Variants in ENPP1 observed in about 807,000 individuals in gnomAD.
ENPP1 encodes ectonucleotide pyrophosphatase/phosphodiesterase family member 1.
ENPP1 carries 73 observed loss-of-function variants against 122.8 expected under a neutral mutation model. The observed-to-expected ratio is 0.59, with a 90% CI of 0.49 to 0.72. ENPP1 has a LOEUF of 0.72. ENPP1 is among the 30% of genes least tolerant of loss of function. The pLI is 0.00. For synonymous variants in ENPP1, 367 were observed against 391.6 expected (o/e 0.94, Z 0.74); for missense variants, 978 against 1,128.1 (o/e 0.87, Z 1.91).
chr6:131,881,422 T>G (rs1782304047), intron 20 of ENPP1, among the ~76,000 whole-genome samples: 1 of 152,200 alleles, frequency 6.6e-6, no homozygotes, highest in African/African-American at 2.4e-5. Flanking sequence ...TGATTCCATT[T>G]TCAGTTTTCT....
intron 1 of ENPP1, among the ~76,000 whole-genome samples, chr6:131,814,962 AT>A (rs1781396769): frequency 6.6e-6 from 1 of 152,144 alleles, no homozygotes; most frequent in South Asian, 2.1e-4. Flanking sequence ...CCACACTTTG[AT>A]TTGGAAAAGG....
rs1490604565 is a variant in ENPP1 at position 131,890,380 on chromosome 6, A to T, written c.2647A>T (p.Met883Leu). The T allele has an allele frequency of 5.0e-6, 8 of 1,613,852 alleles. No individual in the cohort carries two copies. The highest frequency in any genetic ancestry group is 6.8e-6 in the Non-Finnish European group (8 of 1,179,840). Residue 883 changes from methionine (M) to leucine (L), a missense_variant, in exon 25 of 25, where the codon ATG becomes TTG. Transcript: ENST00000647893. ...CTCCTCATGGGTTGAAGAATTGTTA[A>T]TGTTACACAGAGCACGGATCACAGA... Reference protein sequence around the residue: ...HDSSWVEELLMLHRARITDVE... With the variant: ...HDSSWVEELLLLHRARITDVE...
chr6:131,812,547 C>A (rs1781367062), intron 1 of ENPP1, among the ~76,000 whole-genome samples: 1 of 152,156 alleles, frequency 6.6e-6, no homozygotes, highest in Non-Finnish European at 1.5e-5. Context: ...ACTTATAAGG[C>A]CTTGACAATA....
At chr6:131,837,019 C>T (rs892534200) in intron 1 of ENPP1, among the ~76,000 whole-genome samples, 2 of 151,992 alleles carry the variant, frequency 1.3e-5, no homozygotes, top group African/African-American at 4.8e-5. Flanking sequence ...TGTGCAGAGG[C>T]AAAGGAAACC....
chr6:131,893,379 A>C lies in ENPP1; in HGVS notation c.*2868A>C, dbSNP rs1318128421. ...CACAGGAGGGGTGCCAGGCTGCACA[A>C]AAGAGACACTGGATGCTTCTTGGTA... On this transcript the variant is annotated 3_prime_UTR_variant, in exon 25 of 25. Transcript: ENST00000647893. The C allele has an allele frequency of 6.6e-6, 1 of 152,282 alleles. No individual in the cohort carries two copies. Among genetic ancestry groups the C allele is most frequent in the Non-Finnish European group, 1.5e-5 (1 of 68,072 alleles). The allele number at this position is 152,282 out of a possible 1,614,324, so 9.4% of individuals were successfully genotyped here. A position where few individuals can be genotyped will look rare whatever the true frequency, so the allele number is the denominator to read the frequency against.
In ENPP1 at chr6:131,860,414, A is replaced by G. The variant is rs776716141; in HGVS notation, c.823A>G (p.Ile275Val). 8 of 1,598,074 alleles carry G rather than the reference A, an allele frequency of 5.0e-6. No individual in the cohort carries two copies. In the African/African-American group the frequency reaches 1.1e-4, roughly 21 times the overall value. Residue 275 changes from isoleucine to valine, a missense_variant, in exon 8 of 25, where the codon ATC (isoleucine) becomes GTC (valine). Coordinates refer to ENST00000647893, the MANE Select transcript of ENPP1 (RefSeq NM_006208.3). ...ATTGTATCCAGAATCTCATGGCATA[A>G]TCGACAATAAAATGTATGATCCCAA... ...TGLYPESHGI[I>V]DNKMYDPKMN...
At chr6:131,876,618 CTT>C (rs942057687) in intron 17 of ENPP1, among the ~76,000 whole-genome samples, 1 of 152,106 alleles carries the variant, frequency 6.6e-6, no homozygotes, top group African/African-American at 2.4e-5. Context: ...AACTTTGAGA[CTT>C]GGGTAAAACA....
chr6:131,885,110 T>G lies in ENPP1; in HGVS notation c.2444+47T>G, dbSNP rs756039766. 4.4e-6 allele frequency: 7 copies of G among 1,589,424 alleles called. No individual in the cohort carries two copies. In the South Asian group the frequency reaches 4.4e-5, roughly 10 times the overall value. On this transcript the variant is annotated intron_variant, in intron 23 of 24. Transcript: ENST00000647893. ...CTTAAAAATAGGAATTACCATCCAGTAGAAATGGGATTACCATCCAGTTGA... is the reference window on the plus strand; with the variant it reads ...CTTAAAAATAGGAATTACCATCCAGGAGAAATGGGATTACCATCCAGTTGA...
intron 20 of ENPP1, among the ~76,000 whole-genome samples, chr6:131,880,766 CA>C (rs67327200): frequency 0.059 from 8,962 of 152,066 alleles, 368 homozygotes; most frequent in Admixed American, 0.094. Flanking sequence ...CACTGTTTGG[CA>C]AAGCCATTAA....
Position 131,858,682 on chromosome 6 carries a change from T to G in ENPP1, c.730T>G (p.Tyr244Asp). 1 of 1,606,656 alleles carries G rather than the reference T, an allele frequency of 6.2e-7. No individual in the cohort carries two copies. The highest frequency in any genetic ancestry group is 1.7e-5 in the Admixed American group (1 of 59,992). Residue 244 changes from tyrosine (Y) to aspartate (D), a missense_variant, in exon 7 of 25, where the codon TAT becomes GAT. Tyr to Asp is a radical substitution (Grantham distance 160, BLOSUM62 -3). This residue lies in a region of ENPP1 where 330 missense variants were observed against 328.5 expected (regional missense o/e 1.00). Coordinates refer to ENST00000647893, the MANE Select transcript of ENPP1 (RefSeq NM_006208.3). ...VISKLKKCGT[Y>D]TKNMRPVYPT... is the part of the protein sequence containing the mutation. Reference sequence around the variant, plus strand: ...TTCCCTTCTAGAAAAATGTGGAACATATACTAAAAACATGAGACCGGTATA... The same window carrying G: ...TTCCCTTCTAGAAAAATGTGGAACAGATACTAAAAACATGAGACCGGTATA...
At chr6:131,819,969 CAG>C (rs1453344914) in intron 1 of ENPP1, 2 of 544,266 alleles carry the variant, frequency 3.7e-6, no homozygotes, top group Non-Finnish European at 6.9e-6. Flanking sequence ...CTTGCTGAAG[CAG>C]AGTTTTGAAA....
At chr6:131,821,346 T>A (rs1315537940) in intron 1 of ENPP1, among the ~76,000 whole-genome samples, 5 of 152,204 alleles carry the variant, frequency 3.3e-5, no homozygotes, top group Non-Finnish European at 7.3e-5. Flanking sequence ...CATGATGTTG[T>A]GATTAGAAAC....
chr6:131,831,579 T>TA (rs1222433487), intron 1 of ENPP1, among the ~76,000 whole-genome samples: 5 of 152,212 alleles, frequency 3.3e-5, no homozygotes, highest in Admixed American at 6.5e-5. Flanking sequence ...TTGACAGTTT[T>TA]AAAGAGTATG....
intron 1 of ENPP1, among the ~76,000 whole-genome samples, chr6:131,812,022 G>T (rs999649037): frequency 6.6e-6 from 1 of 152,124 alleles, no homozygotes; most frequent in Admixed American, 6.6e-5. Flanking sequence ...ACAATTCAGG[G>T]ATTGGATTGA....
intron 1 of ENPP1, among the ~76,000 whole-genome samples, chr6:131,810,189 C>A (rs1040810371): frequency 6.6e-5 from 10 of 152,064 alleles, no homozygotes; most frequent in African/African-American, 2.2e-4. Flanking sequence ...TGAAACCCAT[C>A]TCTACAAAAG....
At chr6:131,826,604 G>C in intron 1 of ENPP1, 1 of 1,012,176 alleles carries the variant, frequency 9.9e-7, no homozygotes, top group African/African-American at 1.6e-5. Flanking sequence ...ATGCATTCCA[G>C]GTCACAGCTG....
At chr6:131,816,730 T>C (rs559604217) in intron 1 of ENPP1, among the ~76,000 whole-genome samples, 1 of 152,328 alleles carries the variant, frequency 6.6e-6, no homozygotes, top group East Asian at 1.9e-4. Flanking sequence ...AGAAGAGGTG[T>C]TGGTAGAAGT....
intron 24 of ENPP1, 57 bp downstream of exon 24, chr6:131,886,781 T>G: frequency 6.8e-7 from 1 of 1,476,634 alleles, no homozygotes; most frequent in Non-Finnish European, 9.4e-7. Context: ...TATGCATATT[T>G]GTTTATGTCA....
chr6:131,848,968 C>G (rs574624741), intron 2 of ENPP1, among the ~76,000 whole-genome samples: 2 of 152,248 alleles, frequency 1.3e-5, no homozygotes, highest in African/African-American at 4.8e-5. Flanking sequence ...GGTCAGAACA[C>G]CATTAAAGTC....
Sources: allele counts gnomAD v4.1 joint callset (sites outside exome capture counted in the v4.1 genomes callset), GRCh38; gene constraint gnomAD v4.1.1; regional missense constraint gnomAD v4.1.1; transcripts MANE v1.5; gene names NCBI Gene and HGNC (gene_info 2026-07-23, HGNC 2026-07-21).